The following SMAD4 variants were observed in gnomAD, a reference collection of about 807,000 sequenced individuals.
The protein encoded by SMAD4 is SMAD family member 4.
A neutral mutation model predicts 63.2 loss-of-function variants in SMAD4; 7 were observed. The observed-to-expected ratio is 0.11, with a 90% confidence interval of 0.06 to 0.21. SMAD4 has a LOEUF of 0.21. Ranked by LOEUF, SMAD4 falls within the 10% of genes least tolerant of loss-of-function variation. The pLI is 1.00. For synonymous variants in SMAD4, 215 were observed against 235.4 expected (o/e 0.91, Z 0.79); for missense variants, 312 against 693.8 (o/e 0.45, Z 6.18).
At chr18:51,045,897 T>C (rs1051896381) in intron 1 of SMAD4, among the ~76,000 whole-genome samples, 2 of 152,234 alleles carry the variant, frequency 1.3e-5, no homozygotes, top group Non-Finnish European at 2.9e-5. Flanking sequence ...TGTGTGACCT[T>C]TTGTCACTGA....
rs181717953 is a variant in SMAD4 at position 51,070,244 on chromosome 18, C to T, written c.1308+3057C>T. The stretch of plus-strand genomic sequence containing the variant: ...CAATTGAGCTTAAATAATGTGGAAT[C>T]GTGCAAGTGTAATTTCTTGGATGTC... On this transcript the variant is annotated intron_variant, in intron 10 of 11. Coordinates refer to ENST00000342988, the MANE Select transcript of SMAD4 (RefSeq NM_005359.6). 3.2e-4 allele frequency among the ~76,000 whole-genome samples: 49 copies of T among 152,266 alleles called. No individual in the cohort carries two copies. The South Asian group carries it at 8.7e-3, about 27-fold the overall frequency.
rs143883438 is a variant in SMAD4, at chr18:51,070,996, A to G, written c.1308+3809A>G. 1.7e-3 allele frequency among the ~76,000 whole-genome samples: 265 copies of G among 152,320 alleles called. 1 individual carries two copies. Among genetic ancestry groups the G allele is most frequent in the African/African-American group, 6.0e-3 (251 of 41,572 alleles). Reference sequence around the variant, plus strand: ...GAGGTATGTATGTATAGGAAAAAACATAGTATATGCACAGTACTATCTAAA... The same window carrying G: ...GAGGTATGTATGTATAGGAAAAAACGTAGTATATGCACAGTACTATCTAAA... On this transcript the variant is annotated intron_variant, in intron 10 of 11. Transcript: ENST00000342988.
At chr18:51,060,127 G>A (rs1909967950) in intron 8 of SMAD4, among the ~76,000 whole-genome samples, 1 of 152,058 alleles carries the variant, frequency 6.6e-6, no homozygotes, top group African/African-American at 2.4e-5. Context: ...CAAAAGAAAA[G>A]AACTATCTTT....
In SMAD4 at chr18:51,080,193, A is replaced by G. The variant is rs1233533074; in HGVS notation, c.*1726A>G. The G allele has an allele frequency of 4.7e-5, 11 of 232,438 alleles. No individual in the cohort carries two copies. The highest frequency in any genetic ancestry group is 7.6e-5 in the Non-Finnish European group (9 of 117,666). 14.4% of individuals were successfully genotyped at this position (232,438 alleles called of 1,614,324 possible). A position where few individuals can be genotyped will look rare whatever the true frequency, so the allele number is the denominator to read the frequency against. On this transcript the variant is annotated 3_prime_UTR_variant, in exon 12 of 12. Transcript: ENST00000342988. ...CACAGCTTCTACTGCCTTGCTCAGA[A>G]GGTCTTTTAAATAGACCATCCTAGA...
chr18:51,051,561 G>A (rs1047705193), intron 4 of SMAD4: 1 of 372,440 alleles, frequency 2.7e-6, no homozygotes, highest in African/African-American at 2.1e-5. Flanking sequence ...TATTTAATAA[G>A]CATGTATTGC....
In SMAD4 at chr18:51,084,118, A is replaced by G; in HGVS notation, c.*5651A>G. 4.3e-6 allele frequency: 1 copy of G among 231,076 alleles called. No homozygotes were observed. The highest frequency in any genetic ancestry group is 6.1e-5 in the East Asian group (1 of 16,396). 14.3% of individuals were successfully genotyped at this position (231,076 alleles called of 1,614,324 possible). On this transcript the variant is annotated 3_prime_UTR_variant, in exon 12 of 12. Transcript: ENST00000342988. Reference sequence around the variant, plus strand: ...CGTGCACACACACACGCACGCACACACTCTGGTCAGAGTTTATTAAGGCTT... The same window carrying G: ...CGTGCACACACACACGCACGCACACGCTCTGGTCAGAGTTTATTAAGGCTT...
chr18:51,068,678 G>A (rs954537589), intron 10 of SMAD4, among the ~76,000 whole-genome samples: 11 of 152,036 alleles, frequency 7.2e-5, no homozygotes, highest in Admixed American at 6.5e-4. Context: ...TAGCACTTTC[G>A]GAGGCCAAGG....
chr18:51,071,684 A>G (rs550522923), intron 10 of SMAD4, among the ~76,000 whole-genome samples: 4 of 152,314 alleles, frequency 2.6e-5, no homozygotes, highest in East Asian at 3.9e-4. Context: ...GATTGTTAGT[A>G]TATTCACAAC....
chr18:51,051,443 G>C (rs1330839655), intron 4 of SMAD4: 1 of 452,758 alleles, frequency 2.2e-6, no homozygotes. Flanking sequence ...AAATGGGACA[G>C]TTCCTTCATT....
In SMAD4 at chr18:51,082,744, T is replaced by A. The variant is rs974650965; in HGVS notation, c.*4277T>A. 5 of 229,912 alleles carry A rather than the reference T, an allele frequency of 2.2e-5. No individual in the cohort carries two copies. The highest frequency in any genetic ancestry group is 8.9e-5 in the African/African-American group (4 of 45,102). The allele number at this position is 229,912 out of a possible 1,614,324, so 14.2% of individuals were successfully genotyped here. ...TTTTGAATTTTTAGTTTTTTTTTTT[T>A]AACCCACTTCCCCTCCTGGTCTCTT... On this transcript the variant is annotated 3_prime_UTR_variant, in exon 12 of 12. Transcript: ENST00000342988.
chr18:51,071,843 A>G (rs1333115575), intron 10 of SMAD4, among the ~76,000 whole-genome samples: 1 of 152,170 alleles, frequency 6.6e-6, no homozygotes, highest in Admixed American at 6.5e-5. Flanking sequence ...TTGCCTATTC[A>G]GGGCATTTTA....
chr18:51,060,090 C>CTT (rs979637863), intron 8 of SMAD4, among the ~76,000 whole-genome samples, 174 bp downstream of exon 8: 1 of 152,116 alleles, frequency 6.6e-6, no homozygotes, highest in Non-Finnish European at 1.5e-5. Flanking sequence ...CATAGACTGT[C>CTT]TATATTTTAT....
chr18:51,058,629 C>CT lies in SMAD4; in HGVS notation c.904+178dup, dbSNP rs140348446. ...GTATTATTTTTCATAGTTATCCTAC[C>CT]TTTTTATTTTAGAGGAGTGATGTTT... On this transcript the variant is annotated intron_variant, in intron 7 of 11. Coordinates refer to ENST00000342988, the MANE Select transcript of SMAD4 (RefSeq NM_005359.6). Among the ~76,000 whole-genome samples the CT allele has an allele frequency of 9.4e-3, 1,424 of 151,846 alleles. 15 individuals carry two copies. Among genetic ancestry groups the CT allele is most frequent in the South Asian group, 0.034 (164 of 4,796 alleles).
chr18:51,082,649 G>T lies in SMAD4; in HGVS notation c.*4182G>T. On this transcript the variant is annotated 3_prime_UTR_variant, in exon 12 of 12. Coordinates refer to ENST00000342988, the MANE Select transcript of SMAD4 (RefSeq NM_005359.6). The stretch of plus-strand genomic sequence containing the variant: ...TTTCTTTCTGTGCTTGGCTATCTTT[G>T]TGGACTTCAGGGGCTTCTAAAACAG... 1 of 230,392 alleles carries T rather than the reference G, an allele frequency of 4.3e-6. No individual in the cohort carries two copies. The allele number at this position is 230,392 out of a possible 1,614,324, so 14.3% of individuals were successfully genotyped here.
chr18:51,066,067 T>A (rs930717634), intron 9 of SMAD4, among the ~76,000 whole-genome samples: 2 of 152,116 alleles, frequency 1.3e-5, no homozygotes, highest in Non-Finnish European at 2.9e-5. Flanking sequence ...GTTTATATAA[T>A]GAGGCTGGGT....
At chr18:51,070,966 A>G (rs191223884) in intron 10 of SMAD4, among the ~76,000 whole-genome samples, 86 of 152,302 alleles carry the variant, frequency 5.6e-4, no homozygotes, top group Middle Eastern at 3.4e-3. Context: ...GTTAAACTTC[A>G]TTATGAGGTA....
At chr18:51,073,533 T>G (rs1910389685) in intron 10 of SMAD4, among the ~76,000 whole-genome samples, 2 of 148,312 alleles carry the variant, frequency 1.3e-5, no homozygotes, top group Non-Finnish European at 3.0e-5. Flanking sequence ...AGAGAAAAAG[T>G]GAGAACTTTT....
At chr18:51,076,515 T>A (rs1910474083) in intron 10 of SMAD4, 123 bp from the exon 11 acceptor site, 1 of 829,074 alleles carries the variant, frequency 1.2e-6, no homozygotes, top group Non-Finnish European at 1.9e-6. Flanking sequence ...TTTACATGTT[T>A]TAATTAATTC....
intron 4 of SMAD4, among the ~76,000 whole-genome samples, chr18:51,051,899 C>T (rs753608389): frequency 4.6e-5 from 7 of 152,106 alleles, no homozygotes; most frequent in African/African-American, 7.2e-5. Flanking sequence ...CTCCGCCTCC[C>T]GAGTTCAAGC....
Sources: gnomAD v4.1 joint callset for allele counts (sites outside exome capture counted in the v4.1 genomes callset) on GRCh38, gnomAD v4.1.1 for gene constraint, MANE v1.5 for transcripts, NCBI Gene and HGNC (gene_info 2026-07-23, HGNC 2026-07-21) for gene names.